CTNNB1: variants seen among roughly 807,000 people sequenced by gnomAD.
CTNNB1 encodes the protein catenin beta 1.
Under a neutral mutation model 82.5 loss-of-function variants are expected in CTNNB1, and 6 were observed. That is an observed-to-expected ratio of 0.07 (90% CI 0.04 to 0.14). CTNNB1 has a LOEUF of 0.14. Among genes scored for constraint, CTNNB1 ranks in the 10% least tolerant of loss-of-function variants. The pLI, the probability that CTNNB1 is intolerant of heterozygous loss-of-function variation, is 1.00. For missense variants in CTNNB1, 529 were observed against 980.4 expected (o/e 0.54, Z 6.15); for synonymous variants, 312 against 329.7 (o/e 0.95, Z 0.58).
At chr3:41,232,061 T>C (rs1575327003) in intron 7 of CTNNB1, among the ~76,000 whole-genome samples, 1 of 152,148 alleles carries the variant, frequency 6.6e-6, no homozygotes, top group South Asian at 2.1e-4. Context: ...GATTTGGAAG[T>C]TTCCCTCTTA....
intron 13 of CTNNB1, 196 bp downstream of exon 13, chr3:41,236,905 C>T (rs1011926212): frequency 6.2e-6 from 4 of 645,286 alleles, no homozygotes; most frequent in Admixed American, 5.7e-5. Context: ...TGTTCAGAAT[C>T]ATTACAAATA....
rs1052663453 is a variant in CTNNB1 at position 41,239,330 on chromosome 3, T to C, written c.2334T>C (p.Asp778=). The part of the protein sequence containing the change: ...PGDSNQLAWF[D]TDL Reference sequence around the variant, plus strand: ...ACAGCAATCAGCTGGCCTGGTTTGATACTGACCTGTAAATCATCCTTTAGG... The same window carrying C: ...ACAGCAATCAGCTGGCCTGGTTTGACACTGACCTGTAAATCATCCTTTAGG... Residue 778 remains aspartate (D), a synonymous_variant, in exon 15 of 15, where the codon GAT becomes GAC. Transcript: ENST00000349496. 6.2e-7 allele frequency: 1 copy of C among 1,614,030 alleles called. No homozygotes were observed. The highest frequency in any genetic ancestry group is 1.7e-5 in the Admixed American group (1 of 60,008).
chr3:41,225,481 G>A lies in CTNNB1; in HGVS notation c.643G>A (p.Ala215Thr), dbSNP rs369771822. 62 of 1,613,818 alleles carry A rather than the reference G, an allele frequency of 3.8e-5. No individual in the cohort carries two copies. The highest frequency in any genetic ancestry group is 4.7e-5 in the Non-Finnish European group (55 of 1,179,980). Reference protein sequence around the residue: ...TNDVETARCTAGTLHNLSHHR... With the variant: ...TNDVETARCTTGTLHNLSHHR... The stretch of plus-strand genomic sequence containing the variant: ...TGATGTAGAAACAGCTCGTTGTACC[G>A]CTGGGACCTTGCATAACCTTTCCCA... The change falls in exon 5 of 15, where the codon GCT becomes ACT. Residue 215 changes from alanine to threonine, a missense_variant. Physicochemically the swap from Ala to Thr is moderately conservative, Grantham distance 58. Around this residue, in one of 4 missense-constraint regions of CTNNB1, gnomAD observed 411 missense variants for 776.4 expected, o/e 0.53. Coordinates refer to ENST00000349496, the MANE Select transcript of CTNNB1 (RefSeq NM_001904.4). The surrounding 1 kb of genome is among the most constrained non-coding windows in gnomAD (Gnocchi z 5.3).
intron 1 of CTNNB1, among the ~76,000 whole-genome samples, chr3:41,209,416 A>C (rs1167083496): frequency 6.6e-6 from 1 of 152,194 alleles, no homozygotes; most frequent in Non-Finnish European, 1.5e-5. Context: ...TCCGAAATGC[A>C]ATTCTGTCTT....
Position 41,239,985 on chromosome 3 carries a change from T to G in CTNNB1, c.*643T>G, listed in dbSNP as rs1298103696. 8.9e-6 allele frequency: 1 copy of G among 112,366 alleles called. No homozygotes were observed. Among genetic ancestry groups the G allele is most frequent in the African/African-American group, 5.0e-5 (1 of 19,938 alleles). 7.0% of individuals were successfully genotyped at this position (112,366 alleles called of 1,614,324 possible). A position where few individuals can be genotyped will look rare whatever the true frequency, so the allele number is the denominator to read the frequency against. On this transcript the variant is annotated 3_prime_UTR_variant, in exon 15 of 15. Coordinates refer to ENST00000349496, the MANE Select transcript of CTNNB1 (RefSeq NM_001904.4). ...CTGACTTTGCTTGCTTTGAAGTAGC[T>G]CTTTTTTTTTTTTTTTTTTTTTTTT... is the stretch of plus-strand genomic sequence containing the variant.
Position 41,239,372 on chromosome 3 carries a change from G to C in CTNNB1, c.*30G>C. 1 of 1,591,282 alleles carries C rather than the reference G, an allele frequency of 6.3e-7. No homozygotes were observed. Among genetic ancestry groups the C allele is most frequent in the East Asian group, 2.3e-5 (1 of 44,376 alleles). ...TCCTTTAGGTAAGAAGTTTTAAAAA[G>C]CCAGTTTGGGTAAAATACTTTTACT... On this transcript the variant is annotated 3_prime_UTR_variant, in exon 15 of 15. Transcript: ENST00000349496.
chr3:41,209,152 T>C (rs2077719056), intron 1 of CTNNB1, among the ~76,000 whole-genome samples: 1 of 152,220 alleles, frequency 6.6e-6, no homozygotes, highest in African/African-American at 2.4e-5. Context: ...TTTCCTTCTT[T>C]GTTTTTTCTG....
At chr3:41,217,270 C>T (rs963887958) in intron 1 of CTNNB1, among the ~76,000 whole-genome samples, 3 of 152,182 alleles carry the variant, frequency 2.0e-5, no homozygotes, top group African/African-American at 4.8e-5. Context: ...CCTGACCACC[C>T]ACTAGAGTAG....
At chr3:41,231,957 A>G (rs1436986747) in intron 7 of CTNNB1, among the ~76,000 whole-genome samples, 1 of 152,166 alleles carries the variant, frequency 6.6e-6, no homozygotes, top group Admixed American at 6.6e-5. Context: ...TAATTTTTGA[A>G]CATAATAATT....
At chr3:41,215,591 G>T (rs1394977049) in intron 1 of CTNNB1, among the ~76,000 whole-genome samples, 1 of 151,998 alleles carries the variant, frequency 6.6e-6, no homozygotes, top group East Asian at 1.9e-4. Flanking sequence ...TACTGTCTCA[G>T]CCCTCACAGA....
chr3:41,238,718 A>C (rs2078499635), intron 14 of CTNNB1, among the ~76,000 whole-genome samples: 1 of 152,164 alleles, frequency 6.6e-6, no homozygotes, highest in South Asian at 2.1e-4. Flanking sequence ...CCTTTTTGTC[A>C]AGATAGATTA....
Position 41,233,414 on chromosome 3 carries a change from C to A in CTNNB1, c.1155C>A (p.Leu385=), listed in dbSNP as rs74692094. 2.5e-4 allele frequency: 399 copies of A among 1,614,170 alleles called. 1 individual carries two copies. The East Asian group carries it at 6.8e-3, about 27-fold the overall frequency. The change falls in exon 8 of 15, where the codon CTC becomes CTA. Residue 385 remains leucine, a synonymous_variant. Coordinates refer to ENST00000349496, the MANE Select transcript of CTNNB1 (RefSeq NM_001904.4). ...QRLVQNCLWT[L]RNLSDAATKQ... ...TTGTTCAGAACTGTCTTTGGACTCT[C>A]AGGAATCTTTCAGATGCTGCAACTA...
chr3:41,225,679 T>G lies in CTNNB1; in HGVS notation c.754T>G (p.Leu252Val). 6.2e-7 allele frequency: 1 copy of G among 1,614,170 alleles called. No homozygotes were observed. Among genetic ancestry groups the G allele is most frequent in the Non-Finnish European group, 8.5e-7 (1 of 1,180,004 alleles). ...KMLGSPVDSV[L>V]FYAITTLHNL... ...TCCCAGTTCACCAGTGGATTCTGTG[T>G]TGTTTTATGCCATTACAACTCTCCA... The change falls in exon 6 of 15, where the codon TTG becomes GTG. Residue 252 changes from leucine (L) to valine (V), a missense_variant. By Grantham distance (32) the Leu-to-Val change is conservative. Coordinates refer to ENST00000349496, the MANE Select transcript of CTNNB1 (RefSeq NM_001904.4). The surrounding 1 kb of genome is among the most constrained non-coding windows in gnomAD (Gnocchi z 5.3).
chr3:41,224,453 T>C (rs1036891467), intron 2 of CTNNB1, 73 bp from the exon 3 acceptor site: 1 of 1,379,302 alleles, frequency 7.3e-7, no homozygotes, highest in East Asian at 2.5e-5. Context: ...ATGGGTCATA[T>C]CACAGATTCT....
At chr3:41,234,627 G>T in intron 10 of CTNNB1, 1 of 356,526 alleles carries the variant, frequency 2.8e-6, no homozygotes, top group South Asian at 2.7e-5. Context: ...TCAAATCTGT[G>T]TAATTTCAGA....
chr3:41,239,321 C>G lies in CTNNB1; in HGVS notation c.2325C>G (p.Ala775=). ...CTCCAGGTGACAGCAATCAGCTGGC[C>G]TGGTTTGATACTGACCTGTAAATCA... ...GLPPGDSNQL[A]WFDTDL The change falls in exon 15 of 15, where the codon GCC becomes GCG. Residue 775 remains alanine, a synonymous_variant. Transcript: ENST00000349496. The G allele has an allele frequency of 1.2e-6, 2 of 1,614,074 alleles. No individual in the cohort carries two copies. The highest frequency in any genetic ancestry group is 2.2e-5 in the South Asian group (2 of 91,068).
At chr3:41,226,448 T>C (rs928978597) in intron 6 of CTNNB1, among the ~76,000 whole-genome samples, 3 of 152,140 alleles carry the variant, frequency 2.0e-5, no homozygotes, top group Admixed American at 1.3e-4. Context: ...GAGGAAGTGA[T>C]AGTTGAGTTC....
intron 1 of CTNNB1, among the ~76,000 whole-genome samples, chr3:41,214,545 A>G (rs1184254516): frequency 6.6e-6 from 1 of 152,134 alleles, no homozygotes; most frequent in Non-Finnish European, 1.5e-5. Context: ...CTTGTTTTGA[A>G]GATACTTACG....
chr3:41,225,215 A>G lies in CTNNB1; in HGVS notation c.495+8A>G, dbSNP rs764423424. On this transcript the variant is annotated splice_region_variant and intron_variant, in intron 4 of 14. Transcript: ENST00000349496. This position sits in a 1 kb window ranked among gnomAD's most constrained non-coding sequence, Gnocchi z 5.3. ...CTAAATGACGAGGACCAGGTAAGCA[A>G]TGACATAGCTAGCTTTTTAGTCTGC... The G allele has an allele frequency of 3.1e-6, 5 of 1,613,984 alleles. No homozygotes were observed. The highest frequency in any genetic ancestry group is 2.7e-5 in the African/African-American group (2 of 74,938).
Sources: allele counts gnomAD v4.1 joint callset (sites outside exome capture counted in the v4.1 genomes callset), GRCh38; gene constraint gnomAD v4.1.1; regional missense constraint gnomAD v4.1.1; non-coding constraint Gnocchi (gnomAD v3.1); transcripts MANE v1.5; gene names NCBI Gene and HGNC (gene_info 2026-07-23, HGNC 2026-07-21).